SHISA9: variants seen among roughly 807,000 people sequenced by gnomAD.
SHISA9 encodes protein shisa-9.
In SHISA9, 13 loss-of-function variants were observed where a neutral mutation model predicts 38.0. The ratio of observed to expected loss-of-function variants is 0.34; its 90% CI spans 0.22 to 0.54. SHISA9 has a LOEUF of 0.54. Ranked by LOEUF, SHISA9 falls within the 20% of genes least tolerant of loss-of-function variation. The probability of loss-of-function intolerance (pLI) is 0.91; values close to 1 mark genes in which losing one functional copy is unlikely to be tolerated. For synonymous variants in SHISA9, 275 were observed against 242.0 expected (o/e 1.14, Z -1.27); for missense variants, 538 against 575.8 (o/e 0.93, Z 0.67).
intron 2 of SHISA9, among the ~76,000 whole-genome samples, chr16:13,162,830 G>GAA (rs34060769): frequency 6.8e-4 from 101 of 148,938 alleles, no homozygotes; most frequent in Middle Eastern, 3.4e-3. Context: ...TCATTTACAT[G>GAA]AAAAAAAAAA....
chr16:13,350,410 C>T, the SHISA9 span: 1 of 152,370 alleles, frequency 6.6e-6, no homozygotes, highest in Non-Finnish European at 1.5e-5. Flanking sequence ...GAGATTTAGC[C>T]TCCATAATCA....
chr16:13,200,655 G>A (rs942919334), intron 2 of SHISA9, among the ~76,000 whole-genome samples: 2 of 80,644 alleles, frequency 2.5e-5, no homozygotes, highest in Admixed American at 1.1e-4. Context: ...CTTTTCTACT[G>A]TTACTTTATT....
chr16:13,135,073 A>G (rs1321245754), intron 2 of SHISA9, among the ~76,000 whole-genome samples: 1 of 152,196 alleles, frequency 6.6e-6, no homozygotes, highest in African/African-American at 2.4e-5. Context: ...CCTTGCTGTC[A>G]ATTCATTAGC....
intron 2 of SHISA9, among the ~76,000 whole-genome samples, chr16:12,923,942 C>G (rs1395299458): frequency 3.9e-5 from 6 of 152,146 alleles, no homozygotes; most frequent in African/African-American, 7.2e-5. Flanking sequence ...CTTGCACATG[C>G]TTTGTCTCAC....
At chr16:13,178,821 C>A (rs1406619978) in intron 2 of SHISA9, among the ~76,000 whole-genome samples, 2 of 149,542 alleles carry the variant, frequency 1.3e-5, no homozygotes, top group African/African-American at 5.1e-5. Context: ...TTTCCAGGTC[C>A]ATGTTTTCAG....
the SHISA9 span, among the ~76,000 whole-genome samples, chr16:13,396,324 T>C: frequency 6.6e-6 from 1 of 152,306 alleles, no homozygotes; most frequent in East Asian, 1.9e-4. Flanking sequence ...CTGGCCAACA[T>C]GGCGAAACCC....
At chr16:13,421,471 A>G in the SHISA9 span, among the ~76,000 whole-genome samples, 2 of 152,174 alleles carry the variant, frequency 1.3e-5, no homozygotes, top group Non-Finnish European at 2.9e-5. Flanking sequence ...ATCTCGTGAG[A>G]CTTATTCACT....
intron 3 of SHISA9, among the ~76,000 whole-genome samples, chr16:13,209,217 T>C (rs2142061443): frequency 6.6e-6 from 1 of 152,324 alleles, no homozygotes; most frequent in Non-Finnish European, 1.5e-5. Flanking sequence ...CAGAGTTATC[T>C]GCGGTCATCA....
At chr16:13,505,884 TG>T in the SHISA9 span, among the ~76,000 whole-genome samples, 1 of 152,208 alleles carries the variant, frequency 6.6e-6, no homozygotes, top group Admixed American at 6.5e-5. Context: ...CATCTTTTTC[TG>T]AGGCATTCGA....
the SHISA9 span, among the ~76,000 whole-genome samples, chr16:13,466,035 G>C: frequency 6.6e-6 from 1 of 152,304 alleles, no homozygotes; most frequent in Non-Finnish European, 1.5e-5. Flanking sequence ...TTTGGCATCA[G>C]CTTGAGTGGA....
At chr16:13,378,445 T>C in the SHISA9 span, among the ~76,000 whole-genome samples, 1 of 152,194 alleles carries the variant, frequency 6.6e-6, no homozygotes, top group Non-Finnish European at 1.5e-5. Context: ...TTCTGGGTTG[T>C]GTTATAAACC....
chr16:13,089,882 C>T (rs963795508), intron 2 of SHISA9, among the ~76,000 whole-genome samples: 2 of 152,030 alleles, frequency 1.3e-5, no homozygotes, highest in African/African-American at 4.8e-5. Flanking sequence ...TAGTTCTTTT[C>T]ATTGTGATGT....
In SHISA9 at chr16:12,956,779, G is replaced by T. The variant is rs2071841123; in HGVS notation, c.691+39964G>T. ...AAAAATTACCTATTGGGTAAAGTGTGCAGTATTTGGGTGATGGGTACACTA... is the reference window on the plus strand; with the variant it reads ...AAAAATTACCTATTGGGTAAAGTGTTCAGTATTTGGGTGATGGGTACACTA... On this transcript the variant is annotated intron_variant, in intron 2 of 4. Transcript: ENST00000558583. 2.0e-5 allele frequency among the ~76,000 whole-genome samples: 3 copies of T among 152,074 alleles called. No individual in the cohort carries two copies. The South Asian group carries it at 6.2e-4, about 32-fold the overall frequency.
At chr16:13,349,601 T>C in the SHISA9 span, among the ~76,000 whole-genome samples, 1 of 152,226 alleles carries the variant, frequency 6.6e-6, no homozygotes, top group East Asian at 1.9e-4. Flanking sequence ...CATGATTAGA[T>C]GTTTTCAATT....
the SHISA9 span, among the ~76,000 whole-genome samples, chr16:13,301,587 A>T: frequency 6.0e-4 from 92 of 152,360 alleles, no homozygotes; most frequent in African/African-American, 2.0e-3. Context: ...GAAAATTATA[A>T]CTAAGCACCT....
At chr16:13,463,138 T>C in the SHISA9 span, among the ~76,000 whole-genome samples, 1 of 152,074 alleles carries the variant, frequency 6.6e-6, no homozygotes, top group Non-Finnish European at 1.5e-5. Context: ...TTTGTCTGGG[T>C]GACAGAGTGA....
At chr16:13,242,132 T>A (rs900558602), downstream of SHISA9, among the ~76,000 whole-genome samples, 1 of 152,246 alleles carries the variant, frequency 6.6e-6, no homozygotes, top group East Asian at 1.9e-4. Context: ...GAGATGCTGT[T>A]CAGAGATTTG....
the SHISA9 span, among the ~76,000 whole-genome samples, chr16:13,524,595 G>A: frequency 1.3e-5 from 2 of 152,136 alleles, no homozygotes; most frequent in Non-Finnish European, 2.9e-5. Flanking sequence ...GTCTTGCTTT[G>A]TCACCCAGAC....
At chr16:13,112,413 T>A (rs942430049) in intron 2 of SHISA9, among the ~76,000 whole-genome samples, 1 of 151,986 alleles carries the variant, frequency 6.6e-6, no homozygotes, top group Non-Finnish European at 1.5e-5. Context: ...GTTTTGATTT[T>A]CATTTGCCAG....
Sources: allele counts gnomAD v4.1 joint callset (sites outside exome capture counted in the v4.1 genomes callset), GRCh38; gene constraint gnomAD v4.1.1; transcripts MANE v1.5; gene names NCBI Gene and HGNC (gene_info 2026-07-23, HGNC 2026-07-21).